STAB2: variants seen among roughly 807,000 people sequenced by gnomAD.
STAB2 encodes the protein stabilin 2, also known as stabilin-2.
In STAB2, 288 loss-of-function variants were observed where a neutral mutation model predicts 338.1. The observed-to-expected ratio is 0.85, with a 90% CI of 0.77 to 0.94. STAB2 has a LOEUF of 0.94. STAB2 is among the 40% of genes least tolerant of loss of function. The pLI, the probability that STAB2 is intolerant of heterozygous loss-of-function variation, is 0.00. For synonymous variants in STAB2, 1,202 were observed against 1,193.3 expected (o/e 1.01, Z -0.15); for missense variants, 3,141 against 3,210.1 (o/e 0.98, Z 0.52).
chr12:103,763,895 T>G (rs771971519), intron 68 of STAB2: 5 of 266,148 alleles, frequency 1.9e-5, no homozygotes, highest in Non-Finnish European at 2.8e-5. Context: ...GATGCCACAG[T>G]GAAAAAAAGT....
At chr12:103,720,900 G>T (rs527872042) in intron 44 of STAB2, among the ~76,000 whole-genome samples, 60 of 152,328 alleles carry the variant, frequency 3.9e-4, no homozygotes, top group African/African-American at 1.4e-3. Flanking sequence ...TGGTAGAAGG[G>T]ACAACTGAGT....
At position 103,668,619 on chromosome 12, in the gene STAB2, CT is replaced by C. The variant is rs767825167; in HGVS notation, c.2086-21del. 9 of 1,549,586 alleles carry C rather than the reference CT, an allele frequency of 5.8e-6. No individual in the cohort carries two copies. The South Asian group carries it at 1.1e-4, about 18-fold the overall frequency. On this transcript the variant is annotated intron_variant, in intron 19 of 68. Transcript: ENST00000388887. ...GGACCTAAACATGCTGACTGCCATGCTTTCCCTCCTTGGCTTTCTCCAGGCA... is the reference window on the plus strand; with the variant it reads ...GGACCTAAACATGCTGACTGCCATGCTTCCCTCCTTGGCTTTCTCCAGGCA...
rs377067548 is a variant in STAB2, at chr12:103,648,777, C to G, written c.1128C>G (p.Pro376=). The change falls in exon 10 of 69, where the codon CCC becomes CCG. Residue 376 remains proline (P), a synonymous_variant. Coordinates refer to ENST00000388887, the MANE Select transcript of STAB2 (RefSeq NM_017564.10). Reference sequence around the variant, plus strand: ...GACTCAGAGAATTAAATACTGAACCCAGAGGAAAATGGCAAGGAAGGCTGA... The same window carrying G: ...GACTCAGAGAATTAAATACTGAACCGAGAGGAAAATGGCAAGGAAGGCTGA... ...MERLRELNTE[P]RGKWQGRLTS... 166 of 1,613,966 alleles carry G rather than the reference C, an allele frequency of 1.0e-4. No homozygotes were observed. The highest frequency in any genetic ancestry group is 1.3e-4 in the Non-Finnish European group (156 of 1,179,996).
At chr12:103,729,228 C>T (rs181528712) in intron 48 of STAB2, among the ~76,000 whole-genome samples, 1 of 152,202 alleles carries the variant, frequency 6.6e-6, no homozygotes, top group East Asian at 1.9e-4. Context: ...GGGAGAGGAT[C>T]ATGAAAAATA....
intron 58 of STAB2, among the ~76,000 whole-genome samples, chr12:103,748,408 G>A (rs950429762): frequency 6.6e-6 from 1 of 152,182 alleles, no homozygotes; most frequent in Non-Finnish European, 1.5e-5. Context: ...GCAGCACAGT[G>A]AGGAAAGCAT....
intron 55 of STAB2, 49 bp downstream of exon 55, chr12:103,740,805 C>A (rs868195583): frequency 4.6e-6 from 7 of 1,515,388 alleles, no homozygotes; most frequent in Middle Eastern, 1.7e-4. Context: ...GTAATATGCT[C>A]CTGCTCGTTG....
At chr12:103,701,306 A>G (rs1017939728) in intron 34 of STAB2, among the ~76,000 whole-genome samples, 2 of 152,122 alleles carry the variant, frequency 1.3e-5, no homozygotes, top group Non-Finnish European at 2.9e-5. Context: ...TAATGCTGCA[A>G]TAAACATACG....
At chr12:103,736,226 T>C (rs1395880710) in intron 52 of STAB2, among the ~76,000 whole-genome samples, 1 of 152,220 alleles carries the variant, frequency 6.6e-6, no homozygotes, top group African/African-American at 2.4e-5. Flanking sequence ...CTTTCTGCTC[T>C]GCAGCACACG....
rs1049213673 is a variant in STAB2 at position 103,637,244 on chromosome 12, G to T, written c.709+8G>T. The T allele has an allele frequency of 6.2e-7, 1 of 1,607,514 alleles. No individual in the cohort carries two copies. The highest frequency in any genetic ancestry group is 1.7e-5 in the Admixed American group (1 of 58,096). On this transcript the variant is annotated splice_region_variant and intron_variant, in intron 7 of 68. Transcript: ENST00000388887. ...ATGGCAAATACTGCGACCGTGAGTA[G>T]AATTTAGATTCTGCTAGTTTATTCA... is the stretch of plus-strand genomic sequence containing the variant.
intron 49 of STAB2, among the ~76,000 whole-genome samples, chr12:103,731,056 T>G (rs183383691): frequency 7.6e-4 from 115 of 152,064 alleles, no homozygotes; most frequent in African/African-American, 2.5e-3. Context: ...CAGAGTGAGA[T>G]CCTGTCTAAA....
At chr12:103,660,533 G>A (rs1874520754) in intron 16 of STAB2, 149 bp downstream of exon 16, 2 of 1,258,314 alleles carry the variant, frequency 1.6e-6, no homozygotes, top group East Asian at 2.3e-5. Flanking sequence ...CATTATCAGA[G>A]CGATCTTCAA....
intron 39 of STAB2, among the ~76,000 whole-genome samples, chr12:103,709,518 T>C (rs1363410376): frequency 6.6e-6 from 1 of 152,226 alleles, no homozygotes; most frequent in African/African-American, 2.4e-5. Context: ...ACTCCCCCTC[T>C]TCCGGGTTGG....
At chr12:103,731,552 T>C (rs371746194) in intron 49 of STAB2, 24 bp from the exon 50 acceptor site, 2 of 1,611,906 alleles carry the variant, frequency 1.2e-6, no homozygotes, top group Admixed American at 1.7e-5. Flanking sequence ...AAAAGTTTCA[T>C]GCCCATTCTT....
chr12:103,649,282 G>C (rs1156423494), intron 10 of STAB2, among the ~76,000 whole-genome samples: 1 of 152,164 alleles, frequency 6.6e-6, no homozygotes, highest in Admixed American at 6.5e-5. Flanking sequence ...GAATAGTCTT[G>C]GTTGTATGCA....
chr12:103,746,663 A>G lies in STAB2; in HGVS notation c.6203A>G (p.Glu2068Gly). 6.2e-7 allele frequency: 1 copy of G among 1,614,086 alleles called. No individual in the cohort carries two copies. Among genetic ancestry groups the G allele is most frequent in the Non-Finnish European group, 8.5e-7 (1 of 1,179,972 alleles). ...ACCTGTAAGGAGAACAACACGTGTG[A>G]GTGTAACCTGGATTATGAAGGTGAC... ...HATCKENNTC[E>G]CNLDYEGDGI... The change falls in exon 58 of 69, where the codon GAG (glutamate) becomes GGG (glycine). Residue 2068 changes from glutamate (E) to glycine (G), a missense_variant. Physicochemically the swap from Glu to Gly is moderately conservative, Grantham distance 98 (BLOSUM62 -2). Coordinates refer to ENST00000388887, the MANE Select transcript of STAB2 (RefSeq NM_017564.10).
Position 103,737,708 on chromosome 12 carries a change from C to A in STAB2, c.5625C>A (p.Tyr1875Ter). The A allele has an allele frequency of 6.2e-7, 1 of 1,612,364 alleles. No individual in the cohort carries two copies. The highest frequency in any genetic ancestry group is 8.5e-7 in the Non-Finnish European group (1 of 1,179,398). The change falls in exon 53 of 69, where the codon TAC becomes TAA. Residue 1875 changes from tyrosine (Y) to a stop codon, truncating the protein, a stop_gained. Coordinates refer to ENST00000388887, the MANE Select transcript of STAB2 (RefSeq NM_017564.10). LOFTEE classifies it high-confidence loss of function. ...TCTTGTTTGACCTGGGTGTGGCCTA[C>A]GGCATTGACTGTCTGCTGATTGATC... The part of the protein sequence containing the change: ...RELLFDLGVA[Y>*]GIDCLLIDPT...
intron 50 of STAB2, among the ~76,000 whole-genome samples, chr12:103,732,692 C>A (rs1881726797): frequency 6.6e-6 from 1 of 152,074 alleles, no homozygotes; most frequent in Non-Finnish European, 1.5e-5. Flanking sequence ...GTAGTCCCAG[C>A]TACTCAGGAG....
At chr12:103,627,445 T>C (rs998106188) in intron 5 of STAB2, among the ~76,000 whole-genome samples, 1 of 152,248 alleles carries the variant, frequency 6.6e-6, no homozygotes, top group African/African-American at 2.4e-5. Flanking sequence ...AGCACGGCCA[T>C]GGCTTTCACC....
chr12:103,591,866 T>C (rs1956803366), intron 2 of STAB2, among the ~76,000 whole-genome samples: 1 of 152,204 alleles, frequency 6.6e-6, no homozygotes, highest in African/African-American at 2.4e-5. Flanking sequence ...CAACTGCAAA[T>C]GCAATTTGTA....
Sources: allele counts gnomAD v4.1 joint callset (sites outside exome capture counted in the v4.1 genomes callset), GRCh38; gene constraint gnomAD v4.1.1; transcripts MANE v1.5; gene names NCBI Gene and HGNC (gene_info 2026-07-23, HGNC 2026-07-21).